Variants in MAMLD1 observed in about 807,000 individuals in gnomAD.
MAMLD1 encodes the protein mastermind-like domain-containing protein 1.
MAMLD1 carries 14 observed loss-of-function variants against 45.0 expected under a neutral mutation model. The ratio of observed to expected loss-of-function variants is 0.31; its 90% confidence interval spans 0.21 to 0.49. MAMLD1 has a LOEUF of 0.49. Ranked by LOEUF, MAMLD1 falls within the 20% of genes least tolerant of loss-of-function variation. MAMLD1 has a pLI of 0.99. For missense variants in MAMLD1, 543 were observed against 603.6 expected (o/e 0.90, Z 1.05); for synonymous variants, 254 against 247.8 (o/e 1.02, Z -0.24).
intron 1 of MAMLD1, among the ~76,000 whole-genome samples, chrX:150,396,145 G>T (rs1425967824): frequency 1.1e-5 from 1 of 88,034 alleles, no homozygotes; most frequent in Non-Finnish European, 2.2e-5. Context: ...ACCATACCTG[G>T]CTAATTTTTT....
At chrX:150,444,512 C>CT (rs2035426068) in intron 1 of MAMLD1, among the ~76,000 whole-genome samples, 2 of 111,332 alleles carry the variant, frequency 1.8e-5, no homozygotes, top group South Asian at 7.6e-4. Context: ...AACCAGTATA[C>CT]TTTTTTCTTT....
intron 3 of MAMLD1, among the ~76,000 whole-genome samples, chrX:150,468,431 G>GC (rs2036292222): frequency 9.0e-6 from 1 of 111,027 alleles, no homozygotes; most frequent in Non-Finnish European, 1.9e-5. Context: ...TATTTGGGGG[G>GC]TACCGGGTGG....
intron 5 of MAMLD1, among the ~76,000 whole-genome samples, chrX:150,485,921 G>GT (rs1323788546): frequency 8.9e-6 from 1 of 111,767 alleles, no homozygotes; most frequent in Non-Finnish European, 1.9e-5. Flanking sequence ...AAAATCGGGT[G>GT]TTTTTTAATA....
chrX:150,485,392 C>A (rs1298535173), intron 5 of MAMLD1, among the ~76,000 whole-genome samples: 1 of 111,853 alleles, frequency 8.9e-6, no homozygotes, highest in Non-Finnish European at 1.9e-5. Context: ...TACCCAGCAA[C>A]ACCTTTTACG....
upstream of MAMLD1, among the ~76,000 whole-genome samples, chrX:150,363,117 G>A (rs914301150): frequency 8.9e-6 from 1 of 112,889 alleles, no homozygotes; most frequent in African/African-American, 3.2e-5. Context: ...TGGCGGGGTC[G>A]CGGGCAGGGC....
intron 2 of MAMLD1, among the ~76,000 whole-genome samples, chrX:150,448,411 G>A (rs1026209630): frequency 5.1e-4 from 57 of 112,022 alleles, no homozygotes; most frequent in Non-Finnish European, 7.9e-4. Flanking sequence ...GATATAAGAA[G>A]TGGCAAACTC....
intron 1 of MAMLD1, among the ~76,000 whole-genome samples, chrX:150,382,111 A>G (rs782576854): frequency 1.5e-4 from 17 of 111,139 alleles, no homozygotes; most frequent in Non-Finnish European, 3.2e-4. Context: ...TTTAAGTTTG[A>G]TGGTTACACA....
At chrX:150,424,681 T>C (rs1359999189) in intron 1 of MAMLD1, among the ~76,000 whole-genome samples, 1 of 112,646 alleles carries the variant, frequency 8.9e-6, no homozygotes, top group African/African-American at 3.2e-5. Flanking sequence ...TTCTAAAATG[T>C]CAAATTAGAG....
chrX:150,384,759 T>G (rs2032836917), intron 1 of MAMLD1, among the ~76,000 whole-genome samples: 1 of 112,223 alleles, frequency 8.9e-6, no homozygotes, highest in African/African-American at 3.2e-5. Flanking sequence ...ACATTTAGAT[T>G]TATCTTCCAT....
chrX:150,471,170 G>A lies in MAMLD1; in HGVS notation c.1597G>A (p.Ala533Thr), dbSNP rs782017313. The A allele has an allele frequency of 3.3e-6, 4 of 1,211,758 alleles. No homozygotes were observed. In the Admixed American group the frequency reaches 8.7e-5, roughly 26 times the overall value. ...GGGGATGGCAAGCTCCAGCCCAGGA[G>A]CCACGGAGCCATTTACTTTTGGCAA... ...QQGMASSSPG[A>T]TEPFTFGNTK... Residue 533 changes from alanine (A) to threonine (T), a missense_variant, in exon 4 of 8, where the codon GCC becomes ACC. By Grantham distance (58) the Ala-to-Thr change is moderately conservative. Coordinates refer to ENST00000370401, the MANE Select transcript of MAMLD1 (RefSeq NM_005491.5).
chrX:150,445,661 T>G, intron 2 of MAMLD1, 49 bp downstream of exon 2: 1 of 958,787 alleles, frequency 1.0e-6, no homozygotes, highest in Non-Finnish European at 1.5e-6. Context: ...GCTTCTAATC[T>G]TAAACTTGAA....
chrX:150,488,675 T>A (rs1323367586), intron 5 of MAMLD1, among the ~76,000 whole-genome samples: 2 of 113,324 alleles, frequency 1.8e-5, no homozygotes, highest in African/African-American at 6.4e-5. Flanking sequence ...AGGTAATTGA[T>A]GGATTCCATT....
chrX:150,459,280 T>C (rs2035965137), intron 2 of MAMLD1, among the ~76,000 whole-genome samples: 1 of 111,941 alleles, frequency 8.9e-6, no homozygotes, highest in African/African-American at 3.3e-5. Context: ...TCTAACCTCA[T>C]AAGGTTACAC....
rs138998068 is a variant in MAMLD1 at position 150,473,721 on chromosome X, G to A, written c.1959G>A (p.Ser653=). 3.5e-5 allele frequency: 42 copies of A among 1,207,330 alleles called. No individual in the cohort carries two copies. In the African/African-American group the frequency reaches 6.7e-4, roughly 19 times the overall value. The change falls in exon 5 of 8, where the codon TCG becomes TCA. Residue 653 remains serine, a synonymous_variant. Coordinates refer to ENST00000370401, the MANE Select transcript of MAMLD1 (RefSeq NM_005491.5). ...HLFAWTSAAS[S]VKPQHQHGNS... ...TTGCATGGACTTCTGCAGCTAGCTC[G>A]GTGAAGCCCCAGCATCAACACGGGA...
At chrX:150,417,248 G>C (rs2065031303) in intron 1 of MAMLD1, among the ~76,000 whole-genome samples, 1 of 106,850 alleles carries the variant, frequency 9.4e-6, no homozygotes, top group Non-Finnish European at 1.9e-5. Flanking sequence ...CTATGAGTGA[G>C]AATATGCAGT....
At chrX:150,407,110 C>T (rs1489529001) in intron 1 of MAMLD1, among the ~76,000 whole-genome samples, 1 of 110,854 alleles carries the variant, frequency 9.0e-6, no homozygotes, top group East Asian at 2.8e-4. Context: ...ACTTAATGAC[C>T]CCATCTCAGG....
At chrX:150,423,286 T>C (rs1257745921) in intron 1 of MAMLD1, among the ~76,000 whole-genome samples, 1 of 110,757 alleles carries the variant, frequency 9.0e-6, no homozygotes, top group South Asian at 3.8e-4. Context: ...GTTGTTCCTG[T>C]AGGGTAAGTC....
At chrX:150,482,551 G>T (rs1231271491) in intron 5 of MAMLD1, among the ~76,000 whole-genome samples, 1 of 112,354 alleles carries the variant, frequency 8.9e-6, no homozygotes, top group Non-Finnish European at 1.9e-5. Context: ...AAAAGTAAAG[G>T]CTGCAATTTT....
At chrX:150,365,143 T>G (rs782173948) in intron 1 of MAMLD1, among the ~76,000 whole-genome samples, 1,735 of 105,135 alleles carry the variant, frequency 0.017, 41 homozygotes, top group African/African-American at 0.056. Flanking sequence ...ACAATCCGCT[T>G]TATAAAAAGC....
Sources: allele counts gnomAD v4.1 joint callset (sites outside exome capture counted in the v4.1 genomes callset), GRCh38; gene constraint gnomAD v4.1.1; transcripts MANE v1.5; gene names NCBI Gene and HGNC (gene_info 2026-07-23, HGNC 2026-07-21).